The following RRP1B variants were observed in gnomAD, a reference collection of about 807,000 sequenced individuals.
RRP1B encodes the protein ribosomal RNA processing protein 1 homolog B.
RRP1B carries 56 observed loss-of-function variants against 80.2 expected under a neutral mutation model. The observed-to-expected ratio is 0.70, with a 90% CI of 0.56 to 0.87. The LOEUF (loss-of-function observed/expected upper bound fraction) is 0.87, where lower values mean the gene tolerates loss of function less well. Ranked by LOEUF, RRP1B falls within the 40% of genes least tolerant of loss-of-function variation. RRP1B has a pLI of 0.00. For missense variants in RRP1B, 807 were observed against 939.8 expected, an observed-to-expected ratio of 0.86 and a Z score of 1.85; for synonymous variants, 351 against 357.6, an observed-to-expected ratio of 0.98 and a Z score of 0.21.
intron 13 of RRP1B, among the ~76,000 whole-genome samples, chr21:43,689,649 A>G (rs1157758391): frequency 1.3e-5 from 2 of 152,228 alleles, no homozygotes; most frequent in Non-Finnish European, 2.9e-5. Flanking sequence ...GTGTTGCTCA[A>G]TAAGTCCCAG....
chr21:43,660,993 A>G (rs989139621), intron 1 of RRP1B, among the ~76,000 whole-genome samples: 7 of 152,228 alleles, frequency 4.6e-5, no homozygotes, highest in Admixed American at 2.6e-4. Context: ...GATGGTACTA[A>G]TACATTTAGA....
intron 1 of RRP1B, among the ~76,000 whole-genome samples, chr21:43,664,940 C>T (rs986130472): frequency 2.6e-5 from 2 of 77,470 alleles, no homozygotes; most frequent in African/African-American, 8.6e-5. Flanking sequence ...CCCACTGGGT[C>T]CCTCCCACCA....
At chr21:43,676,187 T>C (rs2083021720) in intron 6 of RRP1B, 85 bp from the exon 7 acceptor site, 2 of 1,004,402 alleles carry the variant, frequency 2.0e-6, no homozygotes, top group Admixed American at 4.0e-5. Context: ...TCCACCTTTG[T>C]AAAAGATGGG....
chr21:43,659,758 C>G lies in RRP1B; in HGVS notation c.94C>G (p.Arg32Gly). The G allele has an allele frequency of 6.6e-7, 1 of 1,522,588 alleles. No homozygotes were observed. Among genetic ancestry groups the G allele is most frequent in the Non-Finnish European group, 8.8e-7 (1 of 1,132,544 alleles). 94.3% of individuals were successfully genotyped at this position (1,522,588 alleles called of 1,614,324 possible). The change falls in exon 1 of 16, where the codon CGC (arginine) becomes GGC (glycine). Residue 32 changes from arginine to glycine, a missense_variant. Coordinates refer to ENST00000340648, the MANE Select transcript of RRP1B (RefSeq NM_015056.3). This position sits in a 1 kb window ranked among gnomAD's most constrained non-coding sequence, Gnocchi z 4.2. ...GIRDRAVKKL[R>G]QYISVKTQRE... ...CCGGGACCGAGCGGTGAAGAAGCTG[C>G]GCCAGTACATCAGCGTGAAGACGCA...
chr21:43,677,923 G>A (rs942140542), intron 8 of RRP1B, among the ~76,000 whole-genome samples: 3 of 152,192 alleles, frequency 2.0e-5, no homozygotes, highest in South Asian at 2.1e-4. Context: ...CATTCAGGCC[G>A]GTTCCATGTT....
At position 43,676,921 on chromosome 21, in the gene RRP1B, G is replaced by C. The variant is rs769172823; in HGVS notation, c.796+7G>C. On this transcript the variant is annotated splice_region_variant and intron_variant, in intron 8 of 15. Coordinates refer to ENST00000340648, the MANE Select transcript of RRP1B (RefSeq NM_015056.3). ...GTCAGTAAAAAGAAGACAGGTAGGAGGATGTTCTTGGTCAGTGTAGCTTTC... is the reference window on the plus strand; with the variant it reads ...GTCAGTAAAAAGAAGACAGGTAGGACGATGTTCTTGGTCAGTGTAGCTTTC... 25 of 1,613,404 alleles carry C rather than the reference G, an allele frequency of 1.5e-5. No individual in the cohort carries two copies. In the South Asian group the frequency reaches 2.7e-4, roughly 18 times the overall value.
chr21:43,672,123 C>T (rs1345401595), intron 2 of RRP1B, among the ~76,000 whole-genome samples, 185 bp from the exon 3 acceptor site: 4 of 152,198 alleles, frequency 2.6e-5, no homozygotes, highest in African/African-American at 4.8e-5. Flanking sequence ...CATAATAGTC[C>T]GTCAATATTG....
chr21:43,671,232 C>T (rs1394901433), intron 2 of RRP1B, among the ~76,000 whole-genome samples: 2 of 152,206 alleles, frequency 1.3e-5, no homozygotes, highest in Non-Finnish European at 2.9e-5. Flanking sequence ...CCTTCACATT[C>T]CACCTTGTCT....
At chr21:43,684,773 G>A in intron 10 of RRP1B, 123 bp downstream of exon 10, 1 of 756,292 alleles carries the variant, frequency 1.3e-6, no homozygotes, top group Non-Finnish European at 2.2e-6. Flanking sequence ...TAATGCTTTT[G>A]TGTATAGCAA....
chr21:43,682,390 C>T lies in RRP1B; in HGVS notation c.797-889C>T, dbSNP rs149756165. On this transcript the variant is annotated intron_variant, in intron 8 of 15. Transcript: ENST00000340648. ...CTTAGAGGGTTCCAGAAACAGTACA[C>T]GTTTAAAATAATTTTGAGTTCTCCT... 1.6e-4 allele frequency among the ~76,000 whole-genome samples: 24 copies of T among 152,336 alleles called. No individual in the cohort carries two copies. In the East Asian group the frequency reaches 4.2e-3, roughly 27 times the overall value.
intron 1 of RRP1B, among the ~76,000 whole-genome samples, chr21:43,668,661 G>A (rs956733846): frequency 6.6e-6 from 1 of 152,056 alleles, no homozygotes; most frequent in African/African-American, 2.4e-5. Flanking sequence ...GAGCCACCGC[G>A]TCTGGCCCTT....
chr21:43,665,741 C>T (rs182479501), intron 1 of RRP1B, among the ~76,000 whole-genome samples: 48 of 152,160 alleles, frequency 3.2e-4, no homozygotes, highest in Middle Eastern at 3.4e-3. Context: ...CCTTCCTCCT[C>T]CCTTGCTATG....
chr21:43,670,017 A>T, intron 2 of RRP1B, 51 bp downstream of exon 2: 1 of 1,346,208 alleles, frequency 7.4e-7, no homozygotes. Flanking sequence ...GTGGATGGAT[A>T]AGAGACTTGA....
Position 43,683,299 on chromosome 21 carries a change from A to G in RRP1B, c.817A>G (p.Arg273Gly), listed in dbSNP as rs2083050707. The change falls in exon 9 of 16, where the codon AGA (arginine) becomes GGA (glycine). Residue 273 changes from arginine to glycine, a missense_variant. Coordinates refer to ENST00000340648, the MANE Select transcript of RRP1B (RefSeq NM_015056.3). The stretch of plus-strand genomic sequence containing the variant: ...GACAGCACTGGGCAAAAACCATTCC[A>G]GAAAAGATGGACTCAGTGATGAAAG... ...KKTALGKNHSRKDGLSDERGR... is the reference protein window; with the variant it reads ...KKTALGKNHSGKDGLSDERGR... 1 of 1,614,204 alleles carries G rather than the reference A, an allele frequency of 6.2e-7. No homozygotes were observed. Among genetic ancestry groups the G allele is most frequent in the Admixed American group, 1.7e-5 (1 of 60,032 alleles).
rs141335811 is a variant in RRP1B at position 43,683,232 on chromosome 21, G to A, written c.797-47G>A. 338 of 1,468,156 alleles carry A rather than the reference G, an allele frequency of 2.3e-4. 2 individuals carry two copies. The East Asian group carries it at 5.4e-3, about 24-fold the overall frequency. The allele number at this position is 1,468,156 out of a possible 1,614,324, so 90.9% of individuals were successfully genotyped here. A position where few individuals can be genotyped will look rare whatever the true frequency, so the allele number is the denominator to read the frequency against. ...GGCTCCTGTGGAAGTAGTCACTTCT[G>A]TGTATTTGATATGTCAATAATTTGG... On this transcript the variant is annotated intron_variant, in intron 8 of 15. Transcript: ENST00000340648.
In RRP1B at chr21:43,694,121, GC is replaced by G. The variant is rs1184067311; in HGVS notation, c.*742del. ...GCCCCCGGCTCTTACCCAGGACCCC[GC>G]CCCGTGCTGAGCCTTCTGCTGAGGT... is the stretch of plus-strand genomic sequence containing the variant. On this transcript the variant is annotated 3_prime_UTR_variant, in exon 16 of 16. Transcript: ENST00000340648. 1.3e-5 allele frequency: 2 copies of G among 152,684 alleles called. No homozygotes were observed. The highest frequency in any genetic ancestry group is 2.9e-5 in the Non-Finnish European group (2 of 68,262). The allele number at this position is 152,684 out of a possible 1,614,324, so 9.5% of individuals were successfully genotyped here.
At chr21:43,688,965 ATTT>A (rs980838913) in intron 13 of RRP1B, among the ~76,000 whole-genome samples, 1 of 152,144 alleles carries the variant, frequency 6.6e-6, no homozygotes, top group African/African-American at 2.4e-5. Flanking sequence ...AATTTTTGTT[ATTT>A]TTGTAGAGAC....
At chr21:43,680,096 T>C (rs753026740) in intron 8 of RRP1B, among the ~76,000 whole-genome samples, 2 of 152,032 alleles carry the variant, frequency 1.3e-5, no homozygotes, top group Non-Finnish European at 2.9e-5. Context: ...TTTGGGTGAG[T>C]GTTTAGGGTT....
At chr21:43,664,681 A>G (rs547688678) in intron 1 of RRP1B, among the ~76,000 whole-genome samples, 1 of 152,344 alleles carries the variant, frequency 6.6e-6, no homozygotes, top group East Asian at 1.9e-4. Context: ...GCTAATAAAG[A>G]CACTCCGGAG....
Sources: gnomAD v4.1 joint callset for allele counts (sites outside exome capture counted in the v4.1 genomes callset) on GRCh38, gnomAD v4.1.1 for gene constraint, Gnocchi (gnomAD v3.1) non-coding constraint, MANE v1.5 for transcripts, NCBI Gene and HGNC (gene_info 2026-07-23, HGNC 2026-07-21) for gene names.